TRIM71: variants seen among roughly 807,000 people sequenced by gnomAD.
TRIM71 encodes the protein tripartite motif containing 71, also known as E3 ubiquitin-protein ligase TRIM71.
TRIM71 carries 9 observed loss-of-function variants against 61.2 expected under a neutral mutation model. That is an observed-to-expected ratio of 0.15 (90% CI 0.09 to 0.26). The LOEUF is 0.26. Among genes scored for constraint, TRIM71 ranks in the 10% least tolerant of loss-of-function variants. The pLI, the probability that TRIM71 is intolerant of heterozygous loss-of-function variation, is 1.00. For synonymous variants in TRIM71, 645 were observed against 553.2 expected, an observed-to-expected ratio of 1.17 and a Z score of -2.33; for missense variants, 998 against 1,238.7, an observed-to-expected ratio of 0.81 and a Z score of 2.92.
intron 2 of TRIM71, among the ~76,000 whole-genome samples, chr3:32,880,512 C>A (rs1365226443): frequency 1.3e-5 from 2 of 152,196 alleles, no homozygotes; most frequent in South Asian, 4.1e-4. Flanking sequence ...TTTAAAGAGA[C>A]TCACAACTTG....
chr3:32,837,524 A>C (rs983398816), intron 1 of TRIM71, among the ~76,000 whole-genome samples: 2 of 152,210 alleles, frequency 1.3e-5, no homozygotes, highest in Non-Finnish European at 2.9e-5. Context: ...GATAGTTGTA[A>C]AACTTACTAA....
chr3:32,885,780 C>T (rs1184017103), intron 2 of TRIM71, among the ~76,000 whole-genome samples, 154 bp from the exon 3 acceptor site: 1 of 152,182 alleles, frequency 6.6e-6, no homozygotes, highest in Non-Finnish European at 1.5e-5. Context: ...CCAGTCTCTC[C>T]CTAAGTGCCT....
At chr3:32,869,152 C>T (rs986698664) in intron 1 of TRIM71, among the ~76,000 whole-genome samples, 1 of 152,168 alleles carries the variant, frequency 6.6e-6, no homozygotes, top group Admixed American at 6.5e-5. Flanking sequence ...TCTTCTGGGC[C>T]TCATTTGCTT....
intron 1 of TRIM71, among the ~76,000 whole-genome samples, chr3:32,821,942 G>A (rs2125673170): frequency 6.6e-6 from 1 of 152,222 alleles, no homozygotes; most frequent in Non-Finnish European, 1.5e-5. Context: ...ATGGAGTAGG[G>A]TCTTCGCTTG....
In TRIM71 at chr3:32,840,125, A is replaced by C. The variant is rs148190886; in HGVS notation, c.852+21193A>C. Among the ~76,000 whole-genome samples, 466 of 152,264 alleles carry C rather than the reference A, an allele frequency of 3.1e-3. 1 individual carries two copies. Among genetic ancestry groups the C allele is most frequent in the African/African-American group, 0.011 (439 of 41,554 alleles). On this transcript the variant is annotated intron_variant, in intron 1 of 3. Coordinates refer to ENST00000383763, the MANE Select transcript of TRIM71 (RefSeq NM_001039111.3). The stretch of plus-strand genomic sequence containing the variant: ...GCCTCCTCCAAAACAGGAGTTGTTC[A>C]TCTCCTGCTCATCTGAAGATGTACC...
chr3:32,881,904 G>T (rs1251840753), intron 2 of TRIM71, among the ~76,000 whole-genome samples: 1 of 152,184 alleles, frequency 6.6e-6, no homozygotes, highest in East Asian at 1.9e-4. Flanking sequence ...TAGGGCTTTT[G>T]TGACTCTCAG....
chr3:32,875,694 T>C (rs1240246330), intron 2 of TRIM71, among the ~76,000 whole-genome samples: 1 of 151,958 alleles, frequency 6.6e-6, no homozygotes, highest in Non-Finnish European at 1.5e-5. Context: ...ATTAGCCGGG[T>C]GTGGTGTGAC....
At chr3:32,843,531 G>A (rs1316577848) in intron 1 of TRIM71, among the ~76,000 whole-genome samples, 1 of 152,122 alleles carries the variant, frequency 6.6e-6, no homozygotes, top group African/African-American at 2.4e-5. Context: ...AAGAGCTCTG[G>A]GAAGGAAATC....
intron 1 of TRIM71, among the ~76,000 whole-genome samples, chr3:32,822,648 G>A (rs1696154526): frequency 7.0e-6 from 1 of 143,056 alleles, no homozygotes. Flanking sequence ...GTGTATGCAT[G>A]CTTATTTTAA....
chr3:32,870,151 C>T (rs574638785), intron 1 of TRIM71, among the ~76,000 whole-genome samples: 3 of 152,292 alleles, frequency 2.0e-5, no homozygotes, highest in Non-Finnish European at 4.4e-5. Context: ...TTTTCAGTTT[C>T]AAATTGTGGT....
At position 32,879,243 on chromosome 3, in the gene TRIM71, A is replaced by T. The variant is rs567334385; in HGVS notation, c.1020+5258A>T. ...GCTGGTTTGATCTTTTCTCCAGATC[A>T]TTAAACTTTCTTCATATCAGCAATA... On this transcript the variant is annotated intron_variant, in intron 2 of 3. Coordinates refer to ENST00000383763, the MANE Select transcript of TRIM71 (RefSeq NM_001039111.3). 3.3e-5 allele frequency among the ~76,000 whole-genome samples: 5 copies of T among 152,320 alleles called. No individual in the cohort carries two copies. The South Asian group carries it at 1.0e-3, about 32-fold the overall frequency.
At chr3:32,822,803 T>C (rs112970095) in intron 1 of TRIM71, among the ~76,000 whole-genome samples, 1 of 152,230 alleles carries the variant, frequency 6.6e-6, no homozygotes, top group African/African-American at 2.4e-5. Context: ...AGAACCACTT[T>C]CCTATCTTTT....
In TRIM71 at chr3:32,834,737, G is replaced by C. The variant is rs370873642; in HGVS notation, c.852+15805G>C. Among the ~76,000 whole-genome samples, 90 of 152,212 alleles carry C rather than the reference G, an allele frequency of 5.9e-4. No homozygotes were observed. The South Asian group carries it at 0.017, about 28-fold the overall frequency. On this transcript the variant is annotated intron_variant, in intron 1 of 3. Coordinates refer to ENST00000383763, the MANE Select transcript of TRIM71 (RefSeq NM_001039111.3). ...GGCGCCTGTAGTCCCAGCTACCCCG[G>C]ATACCGAGGCAGGAGAATCGCCTGA...
intron 1 of TRIM71, among the ~76,000 whole-genome samples, chr3:32,840,053 C>T (rs1485967580): frequency 6.6e-6 from 1 of 152,202 alleles, no homozygotes. Flanking sequence ...GAGAACCTTG[C>T]TGCTTTGTAA....
In TRIM71 at chr3:32,818,626, C is replaced by G; in HGVS notation, c.546C>G (p.Gly182=). 6.3e-6 allele frequency: 9 copies of G among 1,437,686 alleles called. No individual in the cohort carries two copies. Among genetic ancestry groups the G allele is most frequent in the Non-Finnish European group, 8.2e-6 (9 of 1,103,894 alleles). 89.1% of individuals were successfully genotyped at this position (1,437,686 alleles called of 1,614,324 possible). ...CCGCGCCTTCCCGCTCGGCACCCGG[C>G]GGCCCTGCCGCTTCCCCGTCGGCGC... ...QPPAPSRSAP[G]GPAASPSALL... Residue 182 remains glycine, a synonymous_variant, in exon 1 of 4, where the codon GGC becomes GGG. Transcript: ENST00000383763.
At chr3:32,882,544 ATAT>A (rs1171560126) in intron 2 of TRIM71, among the ~76,000 whole-genome samples, 1 of 151,660 alleles carries the variant, frequency 6.6e-6, no homozygotes, top group East Asian at 1.9e-4. Context: ...TATTATTATC[ATAT>A]TATATATTTG....
chr3:32,861,204 T>C (rs1324659365), intron 1 of TRIM71, among the ~76,000 whole-genome samples: 1 of 151,026 alleles, frequency 6.6e-6, no homozygotes, highest in Non-Finnish European at 1.5e-5. Context: ...TTTCTTGAGA[T>C]GGAGTCTCTG....
intron 1 of TRIM71, among the ~76,000 whole-genome samples, chr3:32,855,529 C>T (rs1299758118): frequency 1.3e-5 from 2 of 152,116 alleles, no homozygotes; most frequent in African/African-American, 4.8e-5. Flanking sequence ...TGTCTCTAGC[C>T]CTCCTCTTTT....
chr3:32,840,002 T>A (rs1020914722), intron 1 of TRIM71, among the ~76,000 whole-genome samples: 1 of 152,182 alleles, frequency 6.6e-6, no homozygotes, highest in Non-Finnish European at 1.5e-5. Context: ...ATTCAAACGC[T>A]CCAGTTTAAA....
Sources: allele counts gnomAD v4.1 joint callset (sites outside exome capture counted in the v4.1 genomes callset), GRCh38; gene constraint gnomAD v4.1.1; transcripts MANE v1.5; gene names NCBI Gene and HGNC (gene_info 2026-07-23, HGNC 2026-07-21).